Variants in RANBP2 observed in about 807,000 individuals in gnomAD.
RANBP2 encodes the protein RAN binding protein 2, also known as E3 SUMO-protein ligase RanBP2.
In RANBP2, 57 loss-of-function variants were observed where a neutral mutation model predicts 303.6. The ratio of observed to expected loss-of-function variants is 0.19; its 90% CI spans 0.15 to 0.23. RANBP2 has a LOEUF of 0.23. RANBP2 is among the 10% of genes least tolerant of loss of function. The pLI is 1.00. For synonymous variants in RANBP2, 1,167 were observed against 1,301.5 expected (o/e 0.90, Z 2.23); for missense variants, 3,138 against 3,780.8 (o/e 0.83, Z 4.46).
chr2:109,522,270 C>T, the RANBP2 span, among the ~76,000 whole-genome samples: 3 of 149,236 alleles, frequency 2.0e-5, no homozygotes, highest in Middle Eastern at 3.4e-3. Flanking sequence ...CAAAGGTTCT[C>T]TTTTCTTTTT....
At chr2:109,199,588 GGA>G in the RANBP2 span, among the ~76,000 whole-genome samples, 8 of 512 alleles carry the variant, frequency 0.016, no homozygotes, top group East Asian at 0.1. Context: ...GGAATGGAAT[GGA>G]ATGGAATGGA....
chr2:108,943,537 G>A, the RANBP2 span, among the ~76,000 whole-genome samples: 5 of 152,324 alleles, frequency 3.3e-5, no homozygotes, highest in South Asian at 1.0e-3. Context: ...GATTGCTGGG[G>A]CAGGTGGTGA....
At chr2:109,099,227 C>T in the RANBP2 span, among the ~76,000 whole-genome samples, 430 of 152,300 alleles carry the variant, frequency 2.8e-3, 1 homozygote, top group African/African-American at 9.5e-3. Flanking sequence ...CCCATGTTCA[C>T]TTTGGGCGGA....
At chr2:108,731,715 A>C (rs1430363136) in intron 4 of RANBP2, 1 of 742,882 alleles carries the variant, frequency 1.3e-6, no homozygotes, top group South Asian at 2.2e-5. Flanking sequence ...GGGATTTTAC[A>C]GTTTAGTAGC....
chr2:109,641,717 C>G, the RANBP2 span, among the ~76,000 whole-genome samples: 1 of 150,964 alleles, frequency 6.6e-6, no homozygotes, highest in African/African-American at 2.4e-5. Flanking sequence ...TCTCTTGAAT[C>G]ACTTTTAATT....
chr2:109,638,479 G>C, the RANBP2 span, among the ~76,000 whole-genome samples: 1 of 152,160 alleles, frequency 6.6e-6, no homozygotes, highest in African/African-American at 2.4e-5. Flanking sequence ...TGTTTTTCCT[G>C]AAGGTGAGCT....
At chr2:109,450,597 A>G in the RANBP2 span, among the ~76,000 whole-genome samples, 2 of 152,252 alleles carry the variant, frequency 1.3e-5, no homozygotes, top group Non-Finnish European at 2.9e-5. Flanking sequence ...TAAACCCAAT[A>G]TCCAGAATAT....
At chr2:108,736,321 A>C (rs1373206880) in intron 6 of RANBP2, 72 bp downstream of exon 6, 8 of 1,610,078 alleles carry the variant, frequency 5.0e-6, no homozygotes, top group Non-Finnish European at 6.8e-6. Flanking sequence ...TCATTGCTCT[A>C]AACTTCTTCA....
the RANBP2 span, among the ~76,000 whole-genome samples, chr2:108,835,863 G>A: frequency 6.6e-6 from 1 of 152,188 alleles, no homozygotes; most frequent in Non-Finnish European, 1.5e-5. Context: ...CCTGGCAGCT[G>A]GATGTCCAAG....
chr2:108,990,699 T>C, the RANBP2 span, among the ~76,000 whole-genome samples: 3 of 152,206 alleles, frequency 2.0e-5, no homozygotes, highest in South Asian at 6.2e-4. Context: ...GAGATTAAGC[T>C]GAACCAGAGT....
At chr2:109,047,049 T>A in the RANBP2 span, among the ~76,000 whole-genome samples, 1 of 151,974 alleles carries the variant, frequency 6.6e-6, no homozygotes, top group African/African-American at 2.4e-5. Context: ...GGCAGCCTTA[T>A]GCACTGCCAG....
the RANBP2 span, among the ~76,000 whole-genome samples, chr2:109,735,333 G>C: frequency 2.0e-5 from 3 of 152,274 alleles, no homozygotes; most frequent in South Asian, 2.1e-4. Context: ...TTGTAAATGA[G>C]AGAATTTTAT....
chr2:109,626,325 C>CA, the RANBP2 span, among the ~76,000 whole-genome samples: 1 of 151,968 alleles, frequency 6.6e-6, no homozygotes, highest in Non-Finnish European at 1.5e-5. Flanking sequence ...ACTGAAAATA[C>CA]AAAAAATTAG....
At chr2:109,265,311 G>A in the RANBP2 span, among the ~76,000 whole-genome samples, 1 of 152,172 alleles carries the variant, frequency 6.6e-6, no homozygotes, top group Admixed American at 6.5e-5. Flanking sequence ...CTGGAGATGG[G>A]TGAGATGCGG....
chr2:109,215,749 G>A, the RANBP2 span, among the ~76,000 whole-genome samples: 1 of 152,174 alleles, frequency 6.6e-6, no homozygotes, highest in African/African-American at 2.4e-5. Context: ...ATCTAATGGG[G>A]GACATCGCTG....
At chr2:109,508,960 G>A in the RANBP2 span, among the ~76,000 whole-genome samples, 2 of 152,202 alleles carry the variant, frequency 1.3e-5, no homozygotes, top group African/African-American at 2.4e-5. Flanking sequence ...GTCCCAGAGC[G>A]CTTCCTCTGG....
chr2:109,657,870 C>A, the RANBP2 span, among the ~76,000 whole-genome samples: 1 of 151,706 alleles, frequency 6.6e-6, no homozygotes, highest in African/African-American at 2.4e-5. Context: ...CAGGCACGCA[C>A]CACCAGGCCT....
At chr2:109,291,248 G>A in the RANBP2 span, among the ~76,000 whole-genome samples, 1 of 151,890 alleles carries the variant, frequency 6.6e-6, no homozygotes, top group African/African-American at 2.4e-5. Flanking sequence ...AACAACAGAA[G>A]GCTGTTGGGA....
the RANBP2 span, chr2:109,585,341 A>G: frequency 1.0e-5 from 16 of 1,569,076 alleles, no homozygotes; most frequent in Non-Finnish European, 1.4e-5. Flanking sequence ...ACAAAGGTAC[A>G]TCTTTATGGT....
Sources: gnomAD v4.1 joint callset for allele counts (sites outside exome capture counted in the v4.1 genomes callset) on GRCh38, gnomAD v4.1.1 for gene constraint, MANE v1.5 for transcripts, NCBI Gene and HGNC (gene_info 2026-07-23, HGNC 2026-07-21) for gene names.